Variants in JKAMP observed in about 807,000 individuals in gnomAD.
JKAMP encodes JNK1/MAPK8-associated membrane protein.
In JKAMP, 20 loss-of-function variants were observed where a neutral mutation model predicts 40.2. That is an observed-to-expected ratio of 0.50 (90% confidence interval 0.35 to 0.72). The LOEUF (loss-of-function observed/expected upper bound fraction) is 0.72, where lower values mean the gene tolerates loss of function less well. Among genes scored for constraint, JKAMP ranks in the 30% least tolerant of loss-of-function variants. JKAMP has a pLI of 0.01. For synonymous variants in JKAMP, 138 were observed against 131.6 expected, an observed-to-expected ratio of 1.05 and a Z score of -0.33; for missense variants, 276 against 373.0, an observed-to-expected ratio of 0.74 and a Z score of 2.14.
chr14:59,493,094 A>T (rs150244610), intron 3 of JKAMP, among the ~76,000 whole-genome samples: 1 of 151,866 alleles, frequency 6.6e-6, no homozygotes, highest in Non-Finnish European at 1.5e-5. Context: ...CACCACGCCC[A>T]GCCAAGGAGA....
Position 59,498,821 on chromosome 14 carries a change from A to G in JKAMP, c.553A>G (p.Lys185Glu). 1 of 1,612,384 alleles carries G rather than the reference A, an allele frequency of 6.2e-7. No individual in the cohort carries two copies. Among genetic ancestry groups the G allele is most frequent in the Non-Finnish European group, 8.5e-7 (1 of 1,178,764 alleles). ...LVKKIACGLG[K>E]SDRFKSIYAA... Reference sequence around the variant, plus strand: ...GAAGAAGATTGCATGTGGGTTAGGGAAATCTGATCGATTTAAAAGTATTTA... The same window carrying G: ...GAAGAAGATTGCATGTGGGTTAGGGGAATCTGATCGATTTAAAAGTATTTA... Residue 185 changes from lysine (K) to glutamate (E), a missense_variant, in exon 5 of 7, where the codon AAA (lysine) becomes GAA (glutamate). Transcript: ENST00000616435.
At chr14:59,487,945 T>G (rs761169150) in intron 3 of JKAMP, 117 bp downstream of exon 3, 12 of 967,908 alleles carry the variant, frequency 1.2e-5, no homozygotes, top group Non-Finnish European at 1.9e-5. Flanking sequence ...CATGTTTTTC[T>G]TTATCTTCAG....
At chr14:59,489,867 G>C (rs1890857226) in intron 3 of JKAMP, among the ~76,000 whole-genome samples, 1 of 131,650 alleles carries the variant, frequency 7.6e-6, no homozygotes, top group Non-Finnish European at 1.6e-5. Context: ...ATGGTGATAG[G>C]GGGAGGAGGT....
intron 5 of JKAMP, 107 bp downstream of exon 5, chr14:59,499,015 C>CTTT (rs527684457): frequency 3.4e-4 from 43 of 127,286 alleles, no homozygotes; most frequent in Non-Finnish European, 4.0e-4. Flanking sequence ...TTGTTTAATC[C>CTTT]TTTTTTTTTT....
Position 59,484,740 on chromosome 14 carries a change from T to A in JKAMP, c.4+147T>A, listed in dbSNP as rs116224422. ...GACCCCGCCCGCCCTCGGGCCGGGCTCCGCACTCCTGCGGGGTTGGGGTGG... is the reference window on the plus strand; with the variant it reads ...GACCCCGCCCGCCCTCGGGCCGGGCACCGCACTCCTGCGGGGTTGGGGTGG... On this transcript the variant is annotated intron_variant, in intron 1 of 6. Transcript: ENST00000616435. The A allele has an allele frequency of 9.5e-4, 1,033 of 1,088,442 alleles. 5 individuals carry two copies. In the African/African-American group the frequency reaches 0.013, roughly 14 times the overall value. The allele number at this position is 1,088,442 out of a possible 1,614,324, so 67.4% of individuals were successfully genotyped here. A position where few individuals can be genotyped will look rare whatever the true frequency, so the allele number is the denominator to read the frequency against.
In JKAMP at chr14:59,498,902, C is replaced by T; in HGVS notation, c.634C>T (p.Leu212Phe). The change falls in exon 5 of 7, where the codon CTT becomes TTT. Residue 212 changes from leucine to phenylalanine, a missense_variant. Physicochemically the swap from Leu to Phe is conservative, Grantham distance 22. Transcript: ENST00000616435. Reference protein sequence around the residue: ...LTVLQAVGGGLLYYAFPYIIL... With the variant: ...LTVLQAVGGGFLYYAFPYIIL... ...CGTGCTTCAGGCAGTTGGTGGAGGC[C>T]TTTTATGTAAGTTTGATGGGTAAAG... 1 of 1,593,602 alleles carries T rather than the reference C, an allele frequency of 6.3e-7. No individual in the cohort carries two copies. The highest frequency in any genetic ancestry group is 8.6e-7 in the Non-Finnish European group (1 of 1,168,958).
chr14:59,503,274 AC>A (rs1032436873), intron 6 of JKAMP, among the ~76,000 whole-genome samples: 1 of 152,196 alleles, frequency 6.6e-6, no homozygotes, highest in African/African-American at 2.4e-5. Flanking sequence ...GTTGCAAATT[AC>A]GTTTTAATGT....
At position 59,505,308 on chromosome 14, in the gene JKAMP, C is replaced by G. The variant is rs1892275452; in HGVS notation, c.*1236C>G. 2 of 1,450,412 alleles carry G rather than the reference C, an allele frequency of 1.4e-6. No individual in the cohort carries two copies. Among genetic ancestry groups the G allele is most frequent in the East Asian group, 5.0e-5 (2 of 40,330 alleles). The allele number at this position is 1,450,412 out of a possible 1,614,324, so 89.8% of individuals were successfully genotyped here. The stretch of plus-strand genomic sequence containing the variant: ...AATGAACCCTTGTACGAATGTGTTT[C>G]TTCTTCTCTGTAGGAATAAAAAATA... On this transcript the variant is annotated 3_prime_UTR_variant, in exon 7 of 7. Transcript: ENST00000616435.
At chr14:59,493,818 A>G (rs1198004205) in intron 3 of JKAMP, among the ~76,000 whole-genome samples, 1 of 152,234 alleles carries the variant, frequency 6.6e-6, no homozygotes, top group Non-Finnish European at 1.5e-5. Flanking sequence ...ATCAAGGATT[A>G]TGATCATATT....
intron 1 of JKAMP, 69 bp downstream of exon 1, chr14:59,484,662 C>A: frequency 1.3e-6 from 2 of 1,536,330 alleles, no homozygotes; most frequent in Non-Finnish European, 1.8e-6. Flanking sequence ...CGGCTGGCCT[C>A]GGGCTCGGCT....
chr14:59,487,541 TTTTA>T, intron 2 of JKAMP, 129 bp from the exon 3 acceptor site: 1 of 650,310 alleles, frequency 1.5e-6, no homozygotes, highest in East Asian at 2.6e-5. Flanking sequence ...ATGCCCTCTT[TTTTA>T]TTTCTAAAAG....
intron 1 of JKAMP, chr14:59,484,945 G>A: frequency 6.7e-7 from 1 of 1,496,314 alleles, no homozygotes; most frequent in East Asian, 2.3e-5. Context: ...TAAAGCAGAA[G>A]CAAGTTGCTG....
In JKAMP at chr14:59,504,941, G is replaced by T. The variant is rs1281807428; in HGVS notation, c.*869G>T. 1.4e-5 allele frequency: 3 copies of T among 212,348 alleles called. No homozygotes were observed. Among genetic ancestry groups the T allele is most frequent in the Non-Finnish European group, 1.9e-5 (2 of 107,364 alleles). 13.2% of individuals were successfully genotyped at this position (212,348 alleles called of 1,614,324 possible). Reference sequence around the variant, plus strand: ...ACAGAATAAAAAGGGTTTTCCTGTGGTTGGTTTGTGGTTTGTGATAGGTGT... The same window carrying T: ...ACAGAATAAAAAGGGTTTTCCTGTGTTTGGTTTGTGGTTTGTGATAGGTGT... On this transcript the variant is annotated 3_prime_UTR_variant, in exon 7 of 7. Coordinates refer to ENST00000616435, the MANE Select transcript of JKAMP (RefSeq NM_016475.5).
chr14:59,491,040 T>C (rs1890956670), intron 3 of JKAMP, among the ~76,000 whole-genome samples: 2 of 152,116 alleles, frequency 1.3e-5, no homozygotes, highest in South Asian at 4.1e-4. Context: ...GCCTAGGAAA[T>C]TGGTAACAAG....
At chr14:59,496,246 A>G (rs973516701) in intron 4 of JKAMP, among the ~76,000 whole-genome samples, 2 of 148,910 alleles carry the variant, frequency 1.3e-5, no homozygotes, top group African/African-American at 5.0e-5. Flanking sequence ...TATTTTATAG[A>G]TATATATATA....
Position 59,498,733 on chromosome 14 carries a change from C to A in JKAMP, c.465C>A (p.Thr155=). Residue 155 remains threonine, a synonymous_variant, in exon 5 of 7, where the codon ACC becomes ACA. Coordinates refer to ENST00000616435, the MANE Select transcript of JKAMP (RefSeq NM_016475.5). ...TCTTTATTTTATTTTACAGATATAC[C>A]ATTGTATTTATCTATTACGCATTCT... ...CTHEAVYPLY[T]IVFIYYAFCL... is the part of the protein sequence containing the mutation. The A allele has an allele frequency of 1.4e-6, 2 of 1,481,056 alleles. No individual in the cohort carries two copies. Among genetic ancestry groups the A allele is most frequent in the South Asian group, 1.2e-5 (1 of 81,064 alleles). 91.7% of individuals were successfully genotyped at this position (1,481,056 alleles called of 1,614,324 possible). A position where few individuals can be genotyped will look rare whatever the true frequency, so the allele number is the denominator to read the frequency against.
chr14:59,495,352 A>G, intron 4 of JKAMP, 128 bp downstream of exon 4: 1 of 639,990 alleles, frequency 1.6e-6, no homozygotes, highest in Admixed American at 2.9e-5. Context: ...CGGCTTTATT[A>G]CCTTGAACAT....
rs542147349 is a variant in JKAMP, at chr14:59,486,574, A to T, written c.5-139A>T. 6.2e-6 allele frequency: 4 copies of T among 646,402 alleles called. No homozygotes were observed. The Admixed American group carries it at 1.1e-4, about 19-fold the overall frequency. The allele number at this position is 646,402 out of a possible 1,614,324, so 40.0% of individuals were successfully genotyped here. ...TGTAAAAGGAGAAATGTAAATTTAA[A>T]AATGCTTCAAGACTTTTGTCTAATA... On this transcript the variant is annotated intron_variant, in intron 1 of 6. Coordinates refer to ENST00000616435, the MANE Select transcript of JKAMP (RefSeq NM_016475.5).
intron 4 of JKAMP, among the ~76,000 whole-genome samples, chr14:59,496,810 C>T (rs1049073402): frequency 1.8e-4 from 28 of 152,134 alleles, no homozygotes; most frequent in African/African-American, 6.0e-4. Context: ...CATTGTAGAA[C>T]AGCTTGCCTG....
Sources: gnomAD v4.1 joint callset for allele counts (sites outside exome capture counted in the v4.1 genomes callset) on GRCh38, gnomAD v4.1.1 for gene constraint, MANE v1.5 for transcripts, NCBI Gene and HGNC (gene_info 2026-07-23, HGNC 2026-07-21) for gene names.